CACNB2: variants seen among roughly 807,000 people sequenced by gnomAD.
The protein encoded by CACNB2 is voltage-dependent L-type calcium channel subunit beta-2.
CACNB2 carries 42 observed loss-of-function variants against 73.3 expected under a neutral mutation model. That is an observed-to-expected ratio of 0.57 (90% CI 0.45 to 0.74). The LOEUF (loss-of-function observed/expected upper bound fraction) is 0.74. CACNB2 is among the 30% of genes least tolerant of loss of function. CACNB2 has a pLI of 0.00. For missense variants in CACNB2, 940 were observed against 853.0 expected (o/e 1.10, Z -1.27); for synonymous variants, 348 against 310.3 (o/e 1.12, Z -1.28).
At chr10:18,536,310 G>T (rs2053597146) in intron 12 of CACNB2, 114 bp downstream of exon 12, 1 of 625,628 alleles carries the variant, frequency 1.6e-6, no homozygotes, top group Non-Finnish European at 2.7e-6. Context: ...CATGTTGGGA[G>T]TGCAGTGGTA....
chr10:18,280,168 TTAC>T (rs1241619000), intron 2 of CACNB2, among the ~76,000 whole-genome samples: 1 of 152,178 alleles, frequency 6.6e-6, no homozygotes, highest in Non-Finnish European at 1.5e-5. Context: ...CTTTGAATTA[TTAC>T]TACTATGTGT....
intron 2 of CACNB2, among the ~76,000 whole-genome samples, chr10:18,247,752 C>T (rs1266657531): frequency 2.0e-5 from 3 of 152,132 alleles, no homozygotes; most frequent in East Asian, 1.9e-4. Context: ...AAACTCTCCC[C>T]CTCTGAGTTT....
intron 2 of CACNB2, among the ~76,000 whole-genome samples, chr10:18,393,888 T>A (rs1410657489): frequency 6.6e-6 from 1 of 152,198 alleles, no homozygotes; most frequent in Non-Finnish European, 1.5e-5. Context: ...TATTAATGAA[T>A]GTAAAATGAG....
chr10:18,235,660 A>G (rs2036413345), intron 2 of CACNB2, among the ~76,000 whole-genome samples: 1 of 152,204 alleles, frequency 6.6e-6, no homozygotes, highest in Non-Finnish European at 1.5e-5. Flanking sequence ...GTCTGCCAAC[A>G]GCCAAAGGCA....
At chr10:18,529,180 CAAGTA>C (rs965240248) in intron 10 of CACNB2, among the ~76,000 whole-genome samples, 1 of 152,136 alleles carries the variant, frequency 6.6e-6, no homozygotes, top group Non-Finnish European at 1.5e-5. Flanking sequence ...TTAACAAAGT[CAAGTA>C]ATTTTTTAGA....
At chr10:18,466,164 C>G (rs2047872564) in intron 3 of CACNB2, among the ~76,000 whole-genome samples, 1 of 152,210 alleles carries the variant, frequency 6.6e-6, no homozygotes, top group Non-Finnish European at 1.5e-5. Context: ...GCAAATAAAA[C>G]CTTTCAACCA....
At chr10:18,464,432 A>AAAAAAAAAAAAAAAAAAAAAAAAAAAAT in intron 3 of CACNB2, among the ~76,000 whole-genome samples, 2 of 149,336 alleles carry the variant, frequency 1.3e-5, no homozygotes, top group African/African-American at 2.4e-5. Flanking sequence ...AAAAAAAAAA[A>AAAAAAAAAAAAAAAAAAAAAAAAAAAAT]AAAAAAAAGA....
intron 3 of CACNB2, among the ~76,000 whole-genome samples, chr10:18,416,372 C>A (rs1046267265): frequency 6.6e-6 from 1 of 152,154 alleles, no homozygotes; most frequent in Non-Finnish European, 1.5e-5. Flanking sequence ...GGTATTTGGG[C>A]TGCTTCCACC....
intron 2 of CACNB2, among the ~76,000 whole-genome samples, chr10:18,358,880 T>A (rs1316911939): frequency 6.6e-6 from 1 of 152,164 alleles, no homozygotes; most frequent in Non-Finnish European, 1.5e-5. Context: ...AACATTTAAA[T>A]TCAGGGGTTT....
At chr10:18,419,617 T>C (rs2045207693) in intron 3 of CACNB2, among the ~76,000 whole-genome samples, 1 of 152,198 alleles carries the variant, frequency 6.6e-6, no homozygotes, top group African/African-American at 2.4e-5. Flanking sequence ...AAAGGGGTCT[T>C]GTCCAGACCC....
At chr10:18,420,775 T>C (rs781779625) in intron 3 of CACNB2, among the ~76,000 whole-genome samples, 9 of 152,228 alleles carry the variant, frequency 5.9e-5, no homozygotes, top group Non-Finnish European at 8.8e-5. Flanking sequence ...ACTCTACTTA[T>C]ATGACCATCT....
intron 2 of CACNB2, among the ~76,000 whole-genome samples, chr10:18,317,202 T>C (rs2040223247): frequency 6.6e-6 from 1 of 151,640 alleles, no homozygotes; most frequent in African/African-American, 2.4e-5. Flanking sequence ...GACTTCCTTT[T>C]GGCCTTCATC....
At chr10:18,229,966 A>G (rs1441078882) in intron 2 of CACNB2, among the ~76,000 whole-genome samples, 2 of 152,198 alleles carry the variant, frequency 1.3e-5, no homozygotes, top group East Asian at 1.9e-4. Flanking sequence ...GCATAGAGAA[A>G]TCTTGTGATT....
At position 18,408,611 on chromosome 10, in the gene CACNB2, C is replaced by T. The variant is rs183866786; in HGVS notation, c.333+6568C>T. 4.0e-3 allele frequency among the ~76,000 whole-genome samples: 602 copies of T among 152,188 alleles called. 5 individuals carry two copies. The highest frequency in any genetic ancestry group is 0.014 in the African/African-American group (570 of 41,518). On this transcript the variant is annotated intron_variant, in intron 3 of 13. Transcript: ENST00000324631. The stretch of plus-strand genomic sequence containing the variant: ...AGATGTTGAAAATCTCTTACAAACA[C>T]ATAGGTTTACAAAACACAAGCCTAA...
chr10:18,502,970 A>T lies in CACNB2; in HGVS notation c.593+2022A>T, dbSNP rs150442537. Reference sequence around the variant, plus strand: ...ACCCCGAAACTAAAAGTAAAAAAAGAAAAAAAAGTTGCCTGTAAAGATAAC... The same window carrying T: ...ACCCCGAAACTAAAAGTAAAAAAAGTAAAAAAAGTTGCCTGTAAAGATAAC... On this transcript the variant is annotated intron_variant, in intron 5 of 13. Coordinates refer to ENST00000324631, the MANE Select transcript of CACNB2 (RefSeq NM_201596.3). Among the ~76,000 whole-genome samples the T allele has an allele frequency of 3.0e-3, 461 of 152,072 alleles. 2 individuals are homozygous for T. Among genetic ancestry groups the T allele is most frequent in the African/African-American group, 0.01 (434 of 41,502 alleles).
At chr10:18,502,462 G>A (rs1016284388) in intron 5 of CACNB2, among the ~76,000 whole-genome samples, 14 of 151,078 alleles carry the variant, frequency 9.3e-5, no homozygotes, top group African/African-American at 2.9e-4. Context: ...AGGCTGAGGC[G>A]GGCATATCAC....
chr10:18,514,396 G>T, intron 7 of CACNB2, 27 bp downstream of exon 7: 1 of 1,613,974 alleles, frequency 6.2e-7, no homozygotes, highest in Middle Eastern at 1.6e-4. Flanking sequence ...AGCTCCCATT[G>T]TCCACCTGCT....
chr10:18,474,937 A>T (rs2048365007), intron 3 of CACNB2, among the ~76,000 whole-genome samples: 1 of 151,654 alleles, frequency 6.6e-6, no homozygotes, highest in Non-Finnish European at 1.5e-5. Context: ...ACAAGTGATG[A>T]GTCTCCAGGT....
chr10:18,448,479 T>A (rs113537090), intron 3 of CACNB2, among the ~76,000 whole-genome samples: 47 of 107,076 alleles, frequency 4.4e-4, no homozygotes, highest in African/African-American at 1.5e-3. Flanking sequence ...CTCTCTCATT[T>A]AAAAAAAAAA....
Sources: gnomAD v4.1 joint callset for allele counts (sites outside exome capture counted in the v4.1 genomes callset) on GRCh38, gnomAD v4.1.1 for gene constraint, MANE v1.5 for transcripts, NCBI Gene and HGNC (gene_info 2026-07-23, HGNC 2026-07-21) for gene names.